The following DOCK2 variants were observed in gnomAD, a reference collection of about 807,000 sequenced individuals.
The protein encoded by DOCK2 is dedicator of cytokinesis 2.
DOCK2 carries 87 observed loss-of-function variants against 248.9 expected under a neutral mutation model. The ratio of observed to expected loss-of-function variants is 0.35; its 90% CI spans 0.29 to 0.42. The LOEUF (loss-of-function observed/expected upper bound fraction) is 0.42. Ranked by LOEUF, DOCK2 falls within the 10% of genes least tolerant of loss-of-function variation. DOCK2 has a pLI of 1.00. For synonymous variants in DOCK2, 805 were observed against 821.6 expected (o/e 0.98, Z 0.35); for missense variants, 1,747 against 2,300.2 (o/e 0.76, Z 4.92).
At chr5:169,697,952 A>C (rs964522281) in intron 10 of DOCK2, among the ~76,000 whole-genome samples, 3 of 152,200 alleles carry the variant, frequency 2.0e-5, no homozygotes, top group African/African-American at 7.2e-5. Flanking sequence ...TATGCTTATG[A>C]AAAGAGGGTG....
At chr5:169,949,476 T>G (rs755931873) in intron 27 of DOCK2, among the ~76,000 whole-genome samples, 25 of 151,918 alleles carry the variant, frequency 1.6e-4, no homozygotes, top group Non-Finnish European at 3.4e-4. Flanking sequence ...AAGGAATCAA[T>G]GAAAAGTGAG....
intron 6 of DOCK2, among the ~76,000 whole-genome samples, chr5:169,674,787 T>C (rs1759241913): frequency 6.6e-6 from 1 of 152,208 alleles, no homozygotes. Context: ...AAACTCTCCC[T>C]TAAATCCCAA....
intron 25 of DOCK2, among the ~76,000 whole-genome samples, chr5:169,802,082 C>T (rs561484520): frequency 9.9e-5 from 15 of 151,996 alleles, no homozygotes; most frequent in South Asian, 6.2e-4. Flanking sequence ...GACAAAGCTG[C>T]GAAGGGCTTC....
chr5:169,702,390 T>C lies in DOCK2; in HGVS notation c.1346T>C (p.Ile449Thr). The change falls in exon 14 of 52, where the codon ATC becomes ACC. Residue 449 changes from isoleucine to threonine, a missense_variant. Coordinates refer to ENST00000520908, the MANE Select transcript of DOCK2 (RefSeq NM_004946.3). Reference protein sequence around the residue: ...NKTTQRNVEVIMCVCAEDGKT... With the variant: ...NKTTQRNVEVTMCVCAEDGKT... ...ACCACACAGAGGAATGTGGAAGTCA[T>C]CATGTGTGTGTGCGCGGAGGATGGC... 6.2e-7 allele frequency: 1 copy of C among 1,613,956 alleles called. No homozygotes were observed. The highest frequency in any genetic ancestry group is 8.5e-7 in the Non-Finnish European group (1 of 1,179,878).
At chr5:169,904,935 G>T (rs1055946779) in intron 27 of DOCK2, among the ~76,000 whole-genome samples, 3 of 152,110 alleles carry the variant, frequency 2.0e-5, no homozygotes, top group African/African-American at 7.2e-5. Context: ...AGAGACCCGG[G>T]TTTGAATCCC....
At chr5:170,077,973 G>T in intron 48 of DOCK2, 136 bp downstream of exon 48, 2 of 743,856 alleles carry the variant, frequency 2.7e-6, no homozygotes, top group Non-Finnish European at 4.3e-6. Flanking sequence ...TTTCCCATCT[G>T]CAGTCTCACA....
chr5:169,829,692 AAATG>A (rs1455759935), intron 26 of DOCK2, among the ~76,000 whole-genome samples: 3 of 152,250 alleles, frequency 2.0e-5, no homozygotes, highest in African/African-American at 7.2e-5. Flanking sequence ...AGTATTTAGA[AAATG>A]AACAGTATAT....
rs540338144 is a variant in DOCK2, at chr5:169,768,758, C to G, written c.2554+7133C>G. Among the ~76,000 whole-genome samples the G allele has an allele frequency of 2.0e-5, 3 of 152,334 alleles. No homozygotes were observed. The South Asian group carries it at 6.2e-4, about 32-fold the overall frequency. ...AGTTAGGAGAACAAAGCCTCTCCCTCTCAGGATGTGCTCTAGCCTCATAGT... is the reference window on the plus strand; with the variant it reads ...AGTTAGGAGAACAAAGCCTCTCCCTGTCAGGATGTGCTCTAGCCTCATAGT... On this transcript the variant is annotated intron_variant, in intron 25 of 51. Coordinates refer to ENST00000520908, the MANE Select transcript of DOCK2 (RefSeq NM_004946.3).
chr5:169,951,747 T>C (rs1776676351), intron 27 of DOCK2, among the ~76,000 whole-genome samples: 1 of 152,228 alleles, frequency 6.6e-6, no homozygotes, highest in Admixed American at 6.5e-5. Context: ...GCTCAAGTTT[T>C]GACTTATATT....
intron 26 of DOCK2, among the ~76,000 whole-genome samples, chr5:169,817,132 A>G (rs984161465): frequency 1.3e-5 from 2 of 152,140 alleles, no homozygotes; most frequent in East Asian, 1.9e-4. Context: ...AATAGGCCCA[A>G]TTCTTCCTCG....
At chr5:169,998,554 C>A (rs1017665519) in intron 30 of DOCK2, among the ~76,000 whole-genome samples, 13 of 152,198 alleles carry the variant, frequency 8.5e-5, no homozygotes, top group African/African-American at 3.1e-4. Context: ...CTTTTGCAGT[C>A]TTTACAGCCA....
intron 25 of DOCK2, among the ~76,000 whole-genome samples, chr5:169,793,166 A>G (rs1376336801): frequency 1.3e-5 from 2 of 152,202 alleles, no homozygotes; most frequent in East Asian, 3.8e-4. Flanking sequence ...AAACCCTAAA[A>G]TGAATCTATT....
chr5:169,954,691 C>T (rs980940337), intron 27 of DOCK2, among the ~76,000 whole-genome samples: 7 of 152,228 alleles, frequency 4.6e-5, no homozygotes, highest in African/African-American at 1.2e-4. Flanking sequence ...TGGGCCCTTT[C>T]AAACTTGTTG....
At chr5:170,013,360 C>T (rs902835001) in intron 32 of DOCK2, among the ~76,000 whole-genome samples, 3 of 152,110 alleles carry the variant, frequency 2.0e-5, no homozygotes, top group African/African-American at 7.3e-5. Flanking sequence ...GAATATGTTA[C>T]CTGACACAGC....
At chr5:169,998,060 C>T (rs371170773) in intron 30 of DOCK2, 5 of 456,146 alleles carry the variant, frequency 1.1e-5, no homozygotes, top group African/African-American at 1.0e-4. Flanking sequence ...AATACTTCCT[C>T]CTTAAAGAGG....
intron 44 of DOCK2, among the ~76,000 whole-genome samples, chr5:170,058,560 T>C (rs1268513885): frequency 1.3e-5 from 2 of 152,098 alleles, no homozygotes; most frequent in Non-Finnish European, 2.9e-5. Context: ...GGGTCCATGC[T>C]GACATTGAAG....
chr5:169,792,806 T>C (rs1227206735), intron 25 of DOCK2, among the ~76,000 whole-genome samples: 1 of 152,208 alleles, frequency 6.6e-6, no homozygotes, highest in Non-Finnish European at 1.5e-5. Flanking sequence ...CAAATCAAAT[T>C]TTGGGTCCCA....
At chr5:169,673,665 C>T (rs1759168680) in intron 5 of DOCK2, among the ~76,000 whole-genome samples, 1 of 152,126 alleles carries the variant, frequency 6.6e-6, no homozygotes, top group Non-Finnish European at 1.5e-5. Flanking sequence ...TGCTATTGTA[C>T]CTGTCAAAAG....
intron 34 of DOCK2, among the ~76,000 whole-genome samples, chr5:170,033,567 G>A (rs968770075): frequency 3.9e-5 from 6 of 152,064 alleles, no homozygotes; most frequent in Admixed American, 1.3e-4. Flanking sequence ...TGCAGTGTTC[G>A]GCAGTAGAGA....
Sources: gnomAD v4.1 joint callset for allele counts (sites outside exome capture counted in the v4.1 genomes callset) on GRCh38, gnomAD v4.1.1 for gene constraint, MANE v1.5 for transcripts, NCBI Gene and HGNC (gene_info 2026-07-23, HGNC 2026-07-21) for gene names.